The following ADCYAP1R1 variants were observed in gnomAD, a reference collection of about 807,000 sequenced individuals.
ADCYAP1R1 encodes pituitary adenylate cyclase-activating polypeptide type I receptor.
ADCYAP1R1 carries 44 observed loss-of-function variants against 67.6 expected under a neutral mutation model. The observed-to-expected ratio is 0.65, with a 90% CI of 0.51 to 0.84. ADCYAP1R1 has a LOEUF of 0.84. ADCYAP1R1 is among the 40% of genes least tolerant of loss of function. The pLI, the probability that ADCYAP1R1 is intolerant of heterozygous loss-of-function variation, is 0.00. For synonymous variants in ADCYAP1R1, 222 were observed against 219.6 expected (o/e 1.01, Z -0.10); for missense variants, 477 against 587.9 (o/e 0.81, Z 1.95).
At position 31,052,308 on chromosome 7, in the gene ADCYAP1R1, G is replaced by A. The variant is rs1794038624; in HGVS notation, c.-442G>A. ...GAGCAGGGGGAGGCGGTGGTCGGTC[G>A]CCTCCCTCCAGCGCCCAGCCTGGCT... On this transcript the variant is annotated 5_prime_UTR_variant, in exon 1 of 16. Transcript: ENST00000304166. Among the ~76,000 whole-genome samples, 1 of 151,944 alleles carries A rather than the reference G, an allele frequency of 6.6e-6. No individual in the cohort carries two copies. The highest frequency in any genetic ancestry group is 6.5e-5 in the Admixed American group (1 of 15,276).
intron 13 of ADCYAP1R1, among the ~76,000 whole-genome samples, chr7:31,094,682 G>A (rs1238276413): frequency 6.6e-6 from 1 of 152,122 alleles, no homozygotes; most frequent in African/African-American, 2.4e-5. Context: ...AACCCCCAGG[G>A]CCTGGTGGGA....
chr7:31,077,205 T>C (rs1279274423), intron 3 of ADCYAP1R1, among the ~76,000 whole-genome samples: 2 of 152,204 alleles, frequency 1.3e-5, no homozygotes, highest in Non-Finnish European at 2.9e-5. Flanking sequence ...TTGTAAGCCG[T>C]GGAGCACACC....
At chr7:31,075,737 G>A (rs761040859) in intron 3 of ADCYAP1R1, among the ~76,000 whole-genome samples, 17 of 152,152 alleles carry the variant, frequency 1.1e-4, no homozygotes, top group Non-Finnish European at 1.8e-4. Flanking sequence ...GATTGTTGGT[G>A]GGGGGCTTGT....
intron 1 of ADCYAP1R1, among the ~76,000 whole-genome samples, chr7:31,061,888 GC>G (rs150252797): frequency 1.3e-5 from 2 of 152,084 alleles, no homozygotes; most frequent in East Asian, 3.9e-4. Flanking sequence ...ATTTGCTTGG[GC>G]CCCCCATGGC....
At chr7:31,098,851 C>T (rs1421675864) in intron 13 of ADCYAP1R1, among the ~76,000 whole-genome samples, 1 of 152,100 alleles carries the variant, frequency 6.6e-6, no homozygotes, top group African/African-American at 2.4e-5. Context: ...TCCTGAATGC[C>T]AAGGGTGTGG....
chr7:31,060,614 T>G (rs939085293), intron 1 of ADCYAP1R1, among the ~76,000 whole-genome samples: 3 of 152,080 alleles, frequency 2.0e-5, no homozygotes, highest in African/African-American at 7.3e-5. Context: ...TGGGGATAAA[T>G]GTCTCTCTTT....
intron 13 of ADCYAP1R1, chr7:31,095,702 G>T: frequency 1.4e-6 from 1 of 718,070 alleles, no homozygotes; most frequent in Non-Finnish European, 2.6e-6. Flanking sequence ...AAGAAAGCCC[G>T]AGAGGACCCC....
intron 1 of ADCYAP1R1, among the ~76,000 whole-genome samples, chr7:31,060,142 C>T (rs1004772382): frequency 4.6e-5 from 7 of 152,120 alleles, no homozygotes; most frequent in African/African-American, 1.4e-4. Flanking sequence ...TCTGCTGGAG[C>T]TTGTCTTCAG....
chr7:31,097,523 G>A (rs1796246556), intron 13 of ADCYAP1R1, among the ~76,000 whole-genome samples: 1 of 152,044 alleles, frequency 6.6e-6, no homozygotes, highest in Non-Finnish European at 1.5e-5. Flanking sequence ...AGCCCTCCAG[G>A]GCCAGTCCTC....
At chr7:31,077,397 T>C (rs1444700881) in intron 3 of ADCYAP1R1, among the ~76,000 whole-genome samples, 1 of 57,770 alleles carries the variant, frequency 1.7e-5, no homozygotes, top group Non-Finnish European at 4.1e-5. Context: ...GTGTATGTGA[T>C]GTGTGTGGTG....
intron 5 of ADCYAP1R1, 73 bp downstream of exon 5, chr7:31,080,706 C>A: frequency 6.6e-7 from 1 of 1,522,410 alleles, no homozygotes; most frequent in South Asian, 1.1e-5. Flanking sequence ...TCAGGAGATC[C>A]CAGGCTCCGG....
At chr7:31,103,198 G>A (rs777608162) in intron 13 of ADCYAP1R1, 39 bp from the exon 14 acceptor site, 1 of 1,606,076 alleles carries the variant, frequency 6.2e-7, no homozygotes, top group Non-Finnish European at 8.5e-7. Flanking sequence ...CCCGAGCCCT[G>A]GAAGTCCCCA....
intron 13 of ADCYAP1R1, 133 bp from the exon 14 acceptor site, chr7:31,103,104 G>A: frequency 1.6e-6 from 2 of 1,274,316 alleles, no homozygotes; most frequent in Non-Finnish European, 2.2e-6. Context: ...GGGAGAGAAT[G>A]CTGAGGGGTC....
chr7:31,067,139 T>G (rs1395523459), intron 3 of ADCYAP1R1, among the ~76,000 whole-genome samples: 2 of 152,158 alleles, frequency 1.3e-5, no homozygotes, highest in Non-Finnish European at 2.9e-5. Flanking sequence ...GTGTGAAGGA[T>G]TCTCCAAGAA....
intron 13 of ADCYAP1R1, among the ~76,000 whole-genome samples, chr7:31,097,676 T>C (rs908713428): frequency 7.9e-6 from 1 of 125,934 alleles, no homozygotes; most frequent in African/African-American, 3.1e-5. Context: ...CAGAGGAGTC[T>C]GTGTTTACCA....
intron 3 of ADCYAP1R1, among the ~76,000 whole-genome samples, chr7:31,072,329 C>T (rs983991161): frequency 7.2e-5 from 11 of 152,116 alleles, no homozygotes; most frequent in African/African-American, 2.7e-4. Context: ...GAAAGGCAGG[C>T]TGTGGAAGCT....
intron 3 of ADCYAP1R1, 49 bp downstream of exon 3, chr7:31,064,985 G>A: frequency 6.9e-7 from 1 of 1,444,742 alleles, no homozygotes; most frequent in Admixed American, 1.9e-5. Context: ...CCAGCTTTTA[G>A]AACTGTTTTC....
chr7:31,081,032 A>G (rs1795493637), intron 5 of ADCYAP1R1, among the ~76,000 whole-genome samples: 1 of 152,242 alleles, frequency 6.6e-6, no homozygotes, highest in Non-Finnish European at 1.5e-5. Context: ...CACAGTGAGC[A>G]AGAGAACAGA....
chr7:31,103,972 G>C (rs147126751), intron 14 of ADCYAP1R1, among the ~76,000 whole-genome samples: 178 of 152,178 alleles, frequency 1.2e-3, no homozygotes, highest in Non-Finnish European at 1.8e-3. Context: ...GGAGTGTCTG[G>C]GGATAGAGCG....
Sources: gnomAD v4.1 joint callset for allele counts (sites outside exome capture counted in the v4.1 genomes callset) on GRCh38, gnomAD v4.1.1 for gene constraint, MANE v1.5 for transcripts, NCBI Gene and HGNC (gene_info 2026-07-23, HGNC 2026-07-21) for gene names.